CPE: variants seen among roughly 807,000 people sequenced by gnomAD.
CPE encodes carboxypeptidase E.
CPE carries 17 observed loss-of-function variants against 53.5 expected under a neutral mutation model. The ratio of observed to expected loss-of-function variants is 0.32; its 90% CI spans 0.22 to 0.48. The LOEUF is 0.48. Ranked by LOEUF, CPE falls within the 20% of genes least tolerant of loss-of-function variation. The pLI, the probability that CPE is intolerant of heterozygous loss-of-function variation, is 0.99. For synonymous variants in CPE, 226 were observed against 228.8 expected (o/e 0.99, Z 0.11); for missense variants, 524 against 614.7 (o/e 0.85, Z 1.56).
intron 1 of CPE, among the ~76,000 whole-genome samples, chr4:165,454,904 T>C (rs1731875389): frequency 6.6e-6 from 1 of 152,226 alleles, no homozygotes; most frequent in African/African-American, 2.4e-5. Context: ...AGGGGATGTT[T>C]AAGAGGTTAT....
At chr4:165,496,223 C>A (rs1156520123) in intron 8 of CPE, among the ~76,000 whole-genome samples, 1 of 152,110 alleles carries the variant, frequency 6.6e-6, no homozygotes, top group African/African-American at 2.4e-5. Flanking sequence ...TATTATATGC[C>A]TGGGACCGTG....
chr4:165,394,444 A>G lies in CPE; in HGVS notation c.307+14916A>G, dbSNP rs527471624. Among the ~76,000 whole-genome samples the G allele has an allele frequency of 4.5e-4, 68 of 152,212 alleles. 2 individuals carry two copies. In the South Asian group the frequency reaches 0.013, roughly 30 times the overall value. Reference sequence around the variant, plus strand: ...GTCCTAAGAGAACATGACCATTGGGAGTGGGCCTCTGGGAAGGGTGTTGTG... The same window carrying G: ...GTCCTAAGAGAACATGACCATTGGGGGTGGGCCTCTGGGAAGGGTGTTGTG... On this transcript the variant is annotated intron_variant, in intron 1 of 8. Transcript: ENST00000402744.
rs146334052 is a variant in CPE, at chr4:165,433,989, G to A, written c.308-30401G>A. ...AGGACCTTTGCACGAGCTGTTTTAC[G>A]GTTCCCTGGAAATCTTGACTTTCCT... On this transcript the variant is annotated intron_variant, in intron 1 of 8. Transcript: ENST00000402744. 5.6e-4 allele frequency among the ~76,000 whole-genome samples: 85 copies of A among 152,022 alleles called. No individual in the cohort carries two copies. The East Asian group carries it at 0.014, about 24-fold the overall frequency.
chr4:165,429,442 C>T (rs1731372900), intron 1 of CPE, among the ~76,000 whole-genome samples: 1 of 152,152 alleles, frequency 6.6e-6, no homozygotes, highest in African/African-American at 2.4e-5. Flanking sequence ...GTGGCTCACA[C>T]CTGTAATCCC....
chr4:165,449,998 C>A (rs1731781008), intron 1 of CPE, among the ~76,000 whole-genome samples: 1 of 152,016 alleles, frequency 6.6e-6, no homozygotes, highest in Non-Finnish European at 1.5e-5. Flanking sequence ...TAATGAAGTT[C>A]AGTATAACAT....
At chr4:165,446,685 T>C (rs1731722518) in intron 1 of CPE, among the ~76,000 whole-genome samples, 1 of 152,170 alleles carries the variant, frequency 6.6e-6, no homozygotes, top group Non-Finnish European at 1.5e-5. Flanking sequence ...AAATAATAAT[T>C]TTTATTGCTG....
intron 1 of CPE, among the ~76,000 whole-genome samples, chr4:165,421,152 A>G (rs1731204121): frequency 6.6e-6 from 1 of 152,200 alleles, no homozygotes; most frequent in African/African-American, 2.4e-5. Flanking sequence ...ACTTCCTTTT[A>G]ACTGCCTAAG....
At chr4:165,383,398 T>G (rs972455229) in intron 1 of CPE, among the ~76,000 whole-genome samples, 4 of 152,232 alleles carry the variant, frequency 2.6e-5, no homozygotes, top group African/African-American at 9.6e-5. Context: ...AAAGAAACCT[T>G]TATTAACTTA....
chr4:165,493,556 C>T (rs1732647441), intron 7 of CPE, among the ~76,000 whole-genome samples: 1 of 152,120 alleles, frequency 6.6e-6, no homozygotes, highest in Admixed American at 6.5e-5. Context: ...GCCGATTCTT[C>T]GCGGTTCTTC....
chr4:165,479,638 G>A (rs1271427494), intron 3 of CPE, among the ~76,000 whole-genome samples: 2 of 152,150 alleles, frequency 1.3e-5, no homozygotes, highest in Non-Finnish European at 2.9e-5. Context: ...AAATTTGAAA[G>A]GCACATGACA....
intron 7 of CPE, among the ~76,000 whole-genome samples, chr4:165,494,751 T>TGTAGATTTAGAG (rs989732998): frequency 2.0e-5 from 3 of 152,060 alleles, no homozygotes; most frequent in African/African-American, 7.2e-5. Flanking sequence ...TGCAAGGAGA[T>TGTAGATTTAGAG]GTAGATTTAG....
chr4:165,425,455 G>A (rs972433927), intron 1 of CPE, among the ~76,000 whole-genome samples: 1 of 151,972 alleles, frequency 6.6e-6, no homozygotes, highest in Non-Finnish European at 1.5e-5. Flanking sequence ...TTTCCTTTAT[G>A]TGCTTACAGT....
At chr4:165,447,145 A>G (rs1579265529) in intron 1 of CPE, among the ~76,000 whole-genome samples, 1 of 152,258 alleles carries the variant, frequency 6.6e-6, no homozygotes, top group African/African-American at 2.4e-5. Context: ...GGCACTTACC[A>G]TGACTGTAGG....
chr4:165,383,704 G>C (rs1363850737), intron 1 of CPE, among the ~76,000 whole-genome samples: 1 of 152,072 alleles, frequency 6.6e-6, no homozygotes, highest in African/African-American at 2.4e-5. Flanking sequence ...TTTAATGCTG[G>C]CAAAGTTTCC....
At chr4:165,417,770 C>T (rs1731148748) in intron 1 of CPE, among the ~76,000 whole-genome samples, 1 of 138,996 alleles carries the variant, frequency 7.2e-6, no homozygotes, top group Non-Finnish European at 1.6e-5. Flanking sequence ...AATATTTTGT[C>T]TGTCTTAAAA....
At chr4:165,405,282 C>T (rs1029696347) in intron 1 of CPE, 1 of 1,054,004 alleles carries the variant, frequency 9.5e-7, no homozygotes, top group African/African-American at 1.6e-5. Context: ...AGATGCTTAA[C>T]ATCCTTCTGT....
At chr4:165,416,839 T>A (rs909133097) in intron 1 of CPE, among the ~76,000 whole-genome samples, 1 of 151,888 alleles carries the variant, frequency 6.6e-6, no homozygotes, top group Non-Finnish European at 1.5e-5. Context: ...CTCTCAGCAC[T>A]GTATTCTCAT....
chr4:165,387,048 G>A (rs890902295), intron 1 of CPE, among the ~76,000 whole-genome samples: 7 of 152,100 alleles, frequency 4.6e-5, no homozygotes, highest in Non-Finnish European at 7.4e-5. Context: ...CCGTGAGTCC[G>A]TTGCTCTGTG....
chr4:165,485,832 T>C (rs1399866576), intron 5 of CPE, among the ~76,000 whole-genome samples: 1 of 152,200 alleles, frequency 6.6e-6, no homozygotes, highest in Non-Finnish European at 1.5e-5. Flanking sequence ...ATAACATTCA[T>C]GTCTTAGGTC....
Sources: allele counts gnomAD v4.1 joint callset (sites outside exome capture counted in the v4.1 genomes callset), GRCh38; gene constraint gnomAD v4.1.1; transcripts MANE v1.5; gene names NCBI Gene and HGNC (gene_info 2026-07-23, HGNC 2026-07-21).